Variants in NDUFAF2 observed in about 807,000 individuals in gnomAD.
NDUFAF2 encodes the protein NADH dehydrogenase [ubiquinone] 1 alpha subcomplex assembly factor 2.
A neutral mutation model predicts 22.8 loss-of-function variants in NDUFAF2; 13 were observed. That is an observed-to-expected ratio of 0.57 (90% CI 0.37 to 0.91). The LOEUF (loss-of-function observed/expected upper bound fraction) is 0.91, where lower values mean the gene tolerates loss of function less well. Ranked by LOEUF, NDUFAF2 falls within the 40% of genes least tolerant of loss-of-function variation. NDUFAF2 has a pLI of 0.01. For synonymous variants in NDUFAF2, 53 were observed against 64.2 expected, an observed-to-expected ratio of 0.83 and a Z score of 0.84; for missense variants, 162 against 195.2, an observed-to-expected ratio of 0.83 and a Z score of 1.01.
At chr5:60,977,747 G>T (rs1173613594) in intron 1 of NDUFAF2, among the ~76,000 whole-genome samples, 10 of 150,838 alleles carry the variant, frequency 6.6e-5, no homozygotes. Context: ...AGAGGCAGGA[G>T]AATCGCTTGA....
intron 1 of NDUFAF2, among the ~76,000 whole-genome samples, chr5:61,003,216 G>A (rs905981005): frequency 2.6e-5 from 4 of 152,112 alleles, no homozygotes; most frequent in Non-Finnish European, 4.4e-5. Flanking sequence ...CGTTTGGAAG[G>A]TACAGTTACA....
intron 1 of NDUFAF2, among the ~76,000 whole-genome samples, chr5:61,012,274 A>C (rs1269896533): frequency 1.8e-5 from 2 of 110,016 alleles, no homozygotes; most frequent in African/African-American, 6.6e-5. Context: ...TGAGCTTTAA[A>C]TCAGTGTATC....
intron 3 of NDUFAF2, among the ~76,000 whole-genome samples, chr5:61,143,595 T>C (rs1459748888): frequency 2.0e-5 from 3 of 152,148 alleles, no homozygotes; most frequent in Non-Finnish European, 2.9e-5. Flanking sequence ...AATTTTAAAT[T>C]ATAACTTTTT....
chr5:61,073,259 TA>T, intron 2 of NDUFAF2, 45 bp downstream of exon 2: 1 of 1,313,134 alleles, frequency 7.6e-7, no homozygotes, highest in Non-Finnish European at 1.1e-6. Context: ...GTAAGTTATA[TA>T]ACAGTATACA....
chr5:60,980,938 C>A (rs1750968653), intron 1 of NDUFAF2, among the ~76,000 whole-genome samples: 1 of 151,814 alleles, frequency 6.6e-6, no homozygotes, highest in Non-Finnish European at 1.5e-5. Flanking sequence ...TTTACAAGAT[C>A]TAGAATGTAG....
intron 3 of NDUFAF2, among the ~76,000 whole-genome samples, chr5:61,124,600 TA>T (rs1417979198): frequency 6.6e-6 from 1 of 152,104 alleles, no homozygotes; most frequent in African/African-American, 2.4e-5. Context: ...ATGTAGCTAT[TA>T]CAATTTATTT....
chr5:61,075,211 T>C (rs1356815543), intron 2 of NDUFAF2, among the ~76,000 whole-genome samples: 1 of 152,216 alleles, frequency 6.6e-6, no homozygotes, highest in Non-Finnish European at 1.5e-5. Context: ...TGCTTCTTGG[T>C]TGGCATAGCA....
intron 1 of NDUFAF2, among the ~76,000 whole-genome samples, chr5:60,971,329 C>T (rs1467019515): frequency 1.3e-5 from 2 of 151,380 alleles, no homozygotes; most frequent in East Asian, 1.9e-4. Context: ...GCTCTTTCGC[C>T]CAGGCTGGAG....
At chr5:60,984,503 TTGTCCATTCAG>T (rs1751039978) in intron 1 of NDUFAF2, among the ~76,000 whole-genome samples, 2 of 152,192 alleles carry the variant, frequency 1.3e-5, no homozygotes, top group South Asian at 4.1e-4. Context: ...TTTCCAGTTT[TTGTCCATTCAG>T]TATGATATTG....
chr5:61,040,288 G>GCA (rs1561548638), intron 1 of NDUFAF2, among the ~76,000 whole-genome samples: 3 of 53,404 alleles, frequency 5.6e-5, no homozygotes, highest in African/African-American at 7.5e-5. Flanking sequence ...ACACACACAC[G>GCA]CGCGCGCGCG....
At chr5:60,974,197 T>C (rs938703423) in intron 1 of NDUFAF2, among the ~76,000 whole-genome samples, 7 of 152,324 alleles carry the variant, frequency 4.6e-5, no homozygotes, top group African/African-American at 1.7e-4. Context: ...GAAAGTGGAA[T>C]GAGCAGACTT....
At chr5:61,126,742 A>G (rs1753040328) in intron 3 of NDUFAF2, among the ~76,000 whole-genome samples, 1 of 152,052 alleles carries the variant, frequency 6.6e-6, no homozygotes, top group South Asian at 2.1e-4. Flanking sequence ...CATTCCATGG[A>G]TTCACCTAAG....
rs957223376 is a variant in NDUFAF2 at position 61,006,690 on chromosome 5, T to C, written c.127+61308T>C. On this transcript the variant is annotated intron_variant, in intron 1 of 3. Transcript: ENST00000296597. ...GTAAGTTGGATTCCTAGCTATTTTA[T>C]TCTTTTTAAGCAATTGTGAATTAGA... is the stretch of plus-strand genomic sequence containing the variant. 3.3e-5 allele frequency among the ~76,000 whole-genome samples: 5 copies of C among 152,180 alleles called. No individual in the cohort carries two copies. In the East Asian group the frequency reaches 9.6e-4, roughly 29 times the overall value.
intron 1 of NDUFAF2, among the ~76,000 whole-genome samples, chr5:60,949,680 C>T (rs1750516517): frequency 6.6e-6 from 1 of 152,158 alleles, no homozygotes; most frequent in Admixed American, 6.5e-5. Context: ...GATAACGTAG[C>T]ATTTAAGAGA....
chr5:61,093,947 T>C (rs554140660), intron 2 of NDUFAF2, among the ~76,000 whole-genome samples: 2 of 152,342 alleles, frequency 1.3e-5, no homozygotes, highest in Non-Finnish European at 2.9e-5. Context: ...GAACTTGTTA[T>C]TGGTCTGTTT....
At chr5:61,087,283 A>G (rs1307276531) in intron 2 of NDUFAF2, among the ~76,000 whole-genome samples, 2 of 152,180 alleles carry the variant, frequency 1.3e-5, no homozygotes, top group African/African-American at 2.4e-5. Context: ...TTATACTGGC[A>G]TCTTGATCTC....
At position 61,027,802 on chromosome 5, in the gene NDUFAF2, C is replaced by T. The variant is rs181218614; in HGVS notation, c.128-45323C>T. 1.8e-3 allele frequency among the ~76,000 whole-genome samples: 271 copies of T among 151,960 alleles called. 4 individuals carry two copies. The highest frequency in any genetic ancestry group is 6.8e-4 in the Non-Finnish European group (46 of 67,884). On this transcript the variant is annotated intron_variant, in intron 1 of 3. Coordinates refer to ENST00000296597, the MANE Select transcript of NDUFAF2 (RefSeq NM_174889.5). ...ATCAGTTGCTGTCAATTTCATCACCCGATCAAATCAATGTCTTTATTTCTC... is the reference window on the plus strand; with the variant it reads ...ATCAGTTGCTGTCAATTTCATCACCTGATCAAATCAATGTCTTTATTTCTC...
intron 2 of NDUFAF2, among the ~76,000 whole-genome samples, chr5:61,097,598 T>C (rs1028838130): frequency 1.3e-5 from 2 of 152,236 alleles, no homozygotes; most frequent in Non-Finnish European, 2.9e-5. Flanking sequence ...GCTAAGACTT[T>C]AGAGCCAGTT....
intron 1 of NDUFAF2, among the ~76,000 whole-genome samples, chr5:60,996,016 G>T (rs968737021): frequency 1.2e-4 from 18 of 152,134 alleles, no homozygotes; most frequent in Non-Finnish European, 1.5e-4. Context: ...AATGCTGCCT[G>T]GCCTAGGACT....
Sources: gnomAD v4.1 joint callset for allele counts (sites outside exome capture counted in the v4.1 genomes callset) on GRCh38, gnomAD v4.1.1 for gene constraint, MANE v1.5 for transcripts, NCBI Gene and HGNC (gene_info 2026-07-23, HGNC 2026-07-21) for gene names.